The following EYS variants were observed in gnomAD, a reference collection of about 807,000 sequenced individuals.
EYS encodes the protein EGF-like photoreceptor maintenance factor, also known as protein eyes shut homolog.
Under a neutral mutation model 282.1 loss-of-function variants are expected in EYS, and 250 were observed. That is an observed-to-expected ratio of 0.89 (90% confidence interval 0.80 to 0.98). The LOEUF is 0.98. Among genes scored for constraint, EYS ranks in the 50% least tolerant of loss-of-function variants. EYS has a pLI of 0.00. For missense variants in EYS, 4,016 were observed against 3,709.0 expected (o/e 1.08, Z -2.15); for synonymous variants, 1,355 against 1,282.9 (o/e 1.06, Z -1.20).
chr6:64,707,930 T>A (rs1431019483), intron 22 of EYS, among the ~76,000 whole-genome samples: 1 of 151,970 alleles, frequency 6.6e-6, no homozygotes, highest in East Asian at 1.9e-4. Context: ...TGAAAGGGAC[T>A]ATGAAGTGAT....
At chr6:64,712,161 A>G (rs1018022437) in intron 22 of EYS, among the ~76,000 whole-genome samples, 3 of 152,182 alleles carry the variant, frequency 2.0e-5, no homozygotes, top group Admixed American at 2.0e-4. Context: ...TCCTGCTACT[A>G]TCAATTCCAT....
intron 11 of EYS, chr6:65,303,775 G>C: frequency 1.8e-6 from 1 of 551,948 alleles, no homozygotes; most frequent in Non-Finnish European, 3.1e-6. Context: ...ATAGGCAGCA[G>C]GAAGCAGAGA....
intron 26 of EYS, 77 bp from the exon 27 acceptor site, chr6:64,439,429 A>T: frequency 1.0e-6 from 1 of 954,974 alleles, no homozygotes; most frequent in Non-Finnish European, 1.5e-6. Context: ...TTAACATAGC[A>T]TATGTTTTCT....
At chr6:63,729,656 T>A (rs918625420) in intron 41 of EYS, among the ~76,000 whole-genome samples, 6 of 152,182 alleles carry the variant, frequency 3.9e-5, no homozygotes, top group Non-Finnish European at 8.8e-5. Context: ...GGCATAATAT[T>A]TTATAAAATG....
intron 41 of EYS, 89 bp downstream of exon 41, chr6:63,762,372 T>G: frequency 8.0e-7 from 1 of 1,252,310 alleles, no homozygotes. Context: ...TATATGTACT[T>G]TTTTACTTCT....
intron 39 of EYS, among the ~76,000 whole-genome samples, chr6:63,784,520 G>A (rs1373786883): frequency 6.6e-6 from 1 of 152,084 alleles, no homozygotes; most frequent in Non-Finnish European, 1.5e-5. Flanking sequence ...AACCATGGCT[G>A]GGGAGGTCTC....
At chr6:64,793,319 C>T (rs923666825) in intron 22 of EYS, among the ~76,000 whole-genome samples, 10 of 151,798 alleles carry the variant, frequency 6.6e-5, no homozygotes, top group Non-Finnish European at 8.8e-5. Context: ...AGTTGAAAAT[C>T]AAAAATGTAA....
intron 28 of EYS, among the ~76,000 whole-genome samples, chr6:64,419,203 A>G (rs1346509760): frequency 1.3e-5 from 2 of 152,164 alleles, no homozygotes; most frequent in Non-Finnish European, 2.9e-5. Flanking sequence ...TAATTTATAA[A>G]GGAAAAAAGT....
chr6:65,541,465 G>A (rs1768164905), intron 2 of EYS, among the ~76,000 whole-genome samples: 1 of 152,078 alleles, frequency 6.6e-6, no homozygotes, highest in Admixed American at 6.6e-5. Context: ...GAATTTGGAG[G>A]TTAATTCTGA....
At chr6:64,113,852 T>C (rs1773289932) in intron 31 of EYS, among the ~76,000 whole-genome samples, 1 of 152,208 alleles carries the variant, frequency 6.6e-6, no homozygotes, top group South Asian at 2.1e-4. Flanking sequence ...GTTGCTAACA[T>C]CAGTCTACAT....
At chr6:65,488,016 T>C (rs1157087681) in intron 5 of EYS, among the ~76,000 whole-genome samples, 4 of 152,204 alleles carry the variant, frequency 2.6e-5, no homozygotes, top group Non-Finnish European at 4.4e-5. Flanking sequence ...AGATCGATGG[T>C]GATATCCCCT....
chr6:63,968,366 G>T (rs1766402431), intron 35 of EYS, among the ~76,000 whole-genome samples: 1 of 152,058 alleles, frequency 6.6e-6, no homozygotes. Context: ...TTATATGTCT[G>T]CATCTGAGAG....
chr6:64,772,988 T>C (rs1456991203), intron 22 of EYS, among the ~76,000 whole-genome samples: 1 of 151,772 alleles, frequency 6.6e-6, no homozygotes, highest in Non-Finnish European at 1.5e-5. Flanking sequence ...ACTTTTCTTT[T>C]CCACTTTTAA....
chr6:63,754,210 T>C (rs1394157337), intron 41 of EYS, among the ~76,000 whole-genome samples: 3 of 152,194 alleles, frequency 2.0e-5, no homozygotes, highest in Non-Finnish European at 4.4e-5. Flanking sequence ...TTTATTATTA[T>C]ACTTTAAGTT....
intron 5 of EYS, among the ~76,000 whole-genome samples, chr6:65,436,593 A>T (rs1432393757): frequency 1.3e-5 from 2 of 152,190 alleles, no homozygotes; most frequent in Admixed American, 6.6e-5. Context: ...TTTGTGACAC[A>T]GCAGTATTCT....
intron 16 of EYS, among the ~76,000 whole-genome samples, chr6:64,910,799 A>G (rs566527423): frequency 6.6e-6 from 1 of 152,218 alleles, no homozygotes; most frequent in East Asian, 1.9e-4. Flanking sequence ...CAGGAAAGAA[A>G]TATCACTATA....
intron 29 of EYS, among the ~76,000 whole-genome samples, chr6:64,377,220 T>C (rs1480280509): frequency 6.6e-6 from 1 of 152,178 alleles, no homozygotes; most frequent in East Asian, 1.9e-4. Context: ...TTAAGATCTT[T>C]TTCAGAATAT....
chr6:64,706,058 T>G (rs1583062780), intron 22 of EYS, among the ~76,000 whole-genome samples: 1 of 149,218 alleles, frequency 6.7e-6, no homozygotes, highest in African/African-American at 2.5e-5. Context: ...TCACATTACC[T>G]TACCTCAAAC....
chr6:63,736,987 G>A (rs1768931143), intron 41 of EYS, among the ~76,000 whole-genome samples: 1 of 151,990 alleles, frequency 6.6e-6, no homozygotes, highest in South Asian at 2.1e-4. Context: ...GAGATTTTGG[G>A]CTGAGACAAT....
Sources: gnomAD v4.1 joint callset for allele counts (sites outside exome capture counted in the v4.1 genomes callset) on GRCh38, gnomAD v4.1.1 for gene constraint, MANE v1.5 for transcripts, NCBI Gene and HGNC (gene_info 2026-07-23, HGNC 2026-07-21) for gene names.